ACTR3B: variants seen among roughly 807,000 people sequenced by gnomAD.
ACTR3B encodes the protein actin related protein 3B.
In ACTR3B, 8 loss-of-function variants were observed where a neutral mutation model predicts 59.0. The ratio of observed to expected loss-of-function variants is 0.14; its 90% confidence interval spans 0.08 to 0.24. The LOEUF is 0.24. Ranked by LOEUF, ACTR3B falls within the 10% of genes least tolerant of loss-of-function variation. ACTR3B has a pLI of 1.00. For synonymous variants in ACTR3B, 148 were observed against 197.9 expected (o/e 0.75, Z 2.12); for missense variants, 245 against 552.3 (o/e 0.44, Z 5.58).
In ACTR3B at chr7:152,789,013, C is replaced by T. The variant is rs562377363; in HGVS notation, c.100+5771C>T. Among the ~76,000 whole-genome samples, 28 of 148,596 alleles carry T rather than the reference C, an allele frequency of 1.9e-4. No homozygotes were observed. The South Asian group carries it at 4.3e-3, about 23-fold the overall frequency. On this transcript the variant is annotated intron_variant, in intron 2 of 11. Coordinates refer to ENST00000256001, the MANE Select transcript of ACTR3B (RefSeq NM_020445.6). The stretch of plus-strand genomic sequence containing the variant: ...CTCCAGCCTGGGCAGCAGAACCAGA[C>T]GCTGTCTCAAAACAACAACAACAAC...
chr7:152,772,021 C>T (rs2689504), intron 1 of ACTR3B, among the ~76,000 whole-genome samples: 10 of 151,952 alleles, frequency 6.6e-5, no homozygotes, highest in African/African-American at 2.2e-4. Flanking sequence ...GCCAAGATCA[C>T]GCCATTGCAC....
chr7:152,787,776 C>T (rs1358194756), intron 2 of ACTR3B, among the ~76,000 whole-genome samples: 1 of 152,012 alleles, frequency 6.6e-6, no homozygotes, highest in African/African-American at 2.4e-5. Flanking sequence ...CAGTGTTAAA[C>T]ACTATTACTT....
intron 1 of ACTR3B, among the ~76,000 whole-genome samples, chr7:152,775,854 A>C (rs1270300183): frequency 1.3e-5 from 2 of 152,222 alleles, no homozygotes; most frequent in African/African-American, 4.8e-5. Context: ...GATAGAAGGC[A>C]GAAATGAGGT....
chr7:152,788,416 T>G (rs1337632338), intron 2 of ACTR3B, among the ~76,000 whole-genome samples: 1 of 151,082 alleles, frequency 6.6e-6, no homozygotes, highest in Non-Finnish European at 1.5e-5. Context: ...CTAAAGTTTT[T>G]TTTTTTTTTT....
rs1347897174 is a variant in ACTR3B at position 152,759,812 on chromosome 7, C to A, written c.-71C>A. 3 of 1,131,330 alleles carry A rather than the reference C, an allele frequency of 2.7e-6. No individual in the cohort carries two copies. The highest frequency in any genetic ancestry group is 1.1e-6 in the Non-Finnish European group (1 of 913,744). 70.1% of individuals were successfully genotyped at this position (1,131,330 alleles called of 1,614,324 possible). ...CGGGAGACGCTGCGCGCGGGGCTAG[C>A]GGGCGGCGGAGCGGACGGCGACGGG... On this transcript the variant is annotated 5_prime_UTR_variant, in exon 1 of 12. Transcript: ENST00000256001.
chr7:152,772,988 A>AT (rs11409365), intron 1 of ACTR3B, among the ~76,000 whole-genome samples: 31,835 of 142,340 alleles, frequency 0.22, 1,499 homozygotes, highest in East Asian at 0.54. Context: ...ATACTGTTTC[A>AT]TTTTTTTGAA....
Position 152,800,666 on chromosome 7 carries a change from G to C in ACTR3B, c.225+11G>C, listed in dbSNP as rs375185255. 35 of 1,612,498 alleles carry C rather than the reference G, an allele frequency of 2.2e-5. No individual in the cohort carries two copies. In the African/African-American group the frequency reaches 3.9e-4, roughly 18 times the overall value. On this transcript the variant is annotated intron_variant, in intron 3 of 11. Coordinates refer to ENST00000256001, the MANE Select transcript of ACTR3B (RefSeq NM_020445.6). ...ACATATGCTACAAAGGTAAATTTCC[G>C]ACAGGTGTTTGCTTCTCTAAGTGTA...
chr7:152,842,556 G>T (rs1334465882), intron 9 of ACTR3B, among the ~76,000 whole-genome samples: 1 of 134,714 alleles, frequency 7.4e-6, no homozygotes, highest in African/African-American at 2.5e-5. Context: ...TGGAAATGGA[G>T]TGCTCCGCGT....
chr7:152,768,635 C>T (rs1264726755), intron 1 of ACTR3B, among the ~76,000 whole-genome samples: 1 of 151,796 alleles, frequency 6.6e-6, no homozygotes, highest in Non-Finnish European at 1.5e-5. Flanking sequence ...CGCCATCACG[C>T]CCAGCTAATT....
chr7:152,762,380 T>C (rs955454813), intron 1 of ACTR3B, among the ~76,000 whole-genome samples: 14 of 152,244 alleles, frequency 9.2e-5, no homozygotes, highest in South Asian at 4.1e-4. Flanking sequence ...TAATTTCAAA[T>C]CTACTGAAAG....
intron 2 of ACTR3B, among the ~76,000 whole-genome samples, chr7:152,797,019 A>G (rs1421069015): frequency 1.3e-5 from 2 of 151,728 alleles, no homozygotes; most frequent in East Asian, 3.9e-4. Flanking sequence ...TGCCCGGCCT[A>G]GAAACATTAT....
chr7:152,788,410 AG>A lies in ACTR3B; in HGVS notation c.100+5169del, dbSNP rs2098181864. 1.2e-4 allele frequency among the ~76,000 whole-genome samples: 17 copies of A among 143,354 alleles called. No homozygotes were observed. The South Asian group carries it at 3.2e-3, about 27-fold the overall frequency. The allele number at this position is 143,354 out of a possible 152,430, so 94.0% of individuals were successfully genotyped here. On this transcript the variant is annotated intron_variant, in intron 2 of 11. Coordinates refer to ENST00000256001, the MANE Select transcript of ACTR3B (RefSeq NM_020445.6). ...TTTCAGTAGTGTTCTAATGTTCTAAAGTTTTTTTTTTTTTTTTTTGAGATGG... is the reference window on the plus strand; with the variant it reads ...TTTCAGTAGTGTTCTAATGTTCTAAATTTTTTTTTTTTTTTTTTGAGATGG...
rs1022768432 is a variant in ACTR3B, at chr7:152,759,809, T to C, written c.-74T>C. The C allele has an allele frequency of 6.4e-4, 724 of 1,124,108 alleles. 7 individuals are homozygous for C. In the African/African-American group the frequency reaches 0.011, roughly 17 times the overall value. 69.6% of individuals were successfully genotyped at this position (1,124,108 alleles called of 1,614,324 possible). ...TCGCGGGAGACGCTGCGCGCGGGGC[T>C]AGCGGGCGGCGGAGCGGACGGCGAC... On this transcript the variant is annotated 5_prime_UTR_variant, in exon 1 of 12. Transcript: ENST00000256001.
At chr7:152,804,770 G>T (rs1313705659) in intron 4 of ACTR3B, among the ~76,000 whole-genome samples, 3 of 152,228 alleles carry the variant, frequency 2.0e-5, no homozygotes, top group Non-Finnish European at 4.4e-5. Flanking sequence ...ACCAGCTGGG[G>T]TGGTTGACTT....
chr7:152,764,203 T>G (rs2098100349), intron 1 of ACTR3B, among the ~76,000 whole-genome samples: 1 of 151,780 alleles, frequency 6.6e-6, no homozygotes, highest in Non-Finnish European at 1.5e-5. Flanking sequence ...GATGGGGTTT[T>G]GTCATGTTGG....
At chr7:152,775,773 AT>A (rs1301467394) in intron 1 of ACTR3B, among the ~76,000 whole-genome samples, 2 of 151,974 alleles carry the variant, frequency 1.3e-5, no homozygotes, top group Non-Finnish European at 2.9e-5. Flanking sequence ...AAAAAAAAAA[AT>A]TGGGGGCAAA....
At chr7:152,794,737 C>T (rs2116696961) in intron 2 of ACTR3B, among the ~76,000 whole-genome samples, 1 of 151,936 alleles carries the variant, frequency 6.6e-6, no homozygotes, top group East Asian at 1.9e-4. Flanking sequence ...TACAGATCAC[C>T]TCAGTCGTCG....
rs555621419 is a variant in ACTR3B, at chr7:152,850,555, C to T, written c.952-1571C>T. 7.2e-5 allele frequency among the ~76,000 whole-genome samples: 11 copies of T among 152,384 alleles called. No homozygotes were observed. The East Asian group carries it at 2.1e-3, about 29-fold the overall frequency. ...CTGGTGGCTTCCTGTGGCTTCTGCC[C>T]CGTTTCATTCTTCCTGCTCTGACTT... On this transcript the variant is annotated intron_variant, in intron 9 of 11. Coordinates refer to ENST00000256001, the MANE Select transcript of ACTR3B (RefSeq NM_020445.6).
chr7:152,773,021 T>C (rs544127357), intron 1 of ACTR3B, among the ~76,000 whole-genome samples: 3 of 152,198 alleles, frequency 2.0e-5, no homozygotes, highest in East Asian at 3.9e-4. Flanking sequence ...AGAAGGCTAT[T>C]ATGCTAAAAA....
Sources: allele counts gnomAD v4.1 joint callset (sites outside exome capture counted in the v4.1 genomes callset), GRCh38; gene constraint gnomAD v4.1.1; transcripts MANE v1.5; gene names NCBI Gene and HGNC (gene_info 2026-07-23, HGNC 2026-07-21).